Variants in HS3ST4 observed in about 807,000 individuals in gnomAD.
HS3ST4 encodes the protein heparan sulfate glucosamine 3-O-sulfotransferase 4.
Under a neutral mutation model 29.2 loss-of-function variants are expected in HS3ST4, and 17 were observed. The ratio of observed to expected loss-of-function variants is 0.58; its 90% CI spans 0.40 to 0.87. HS3ST4 has a LOEUF of 0.87. Among genes scored for constraint, HS3ST4 ranks in the 40% least tolerant of loss-of-function variants. The pLI, the probability that HS3ST4 is intolerant of heterozygous loss-of-function variation, is 0.00. For synonymous variants in HS3ST4, 314 were observed against 285.7 expected (o/e 1.10, Z -1.00); for missense variants, 627 against 634.5 (o/e 0.99, Z 0.13).
intron 1 of HS3ST4, among the ~76,000 whole-genome samples, chr16:25,860,323 T>C (rs1324522157): frequency 6.6e-6 from 1 of 152,162 alleles, no homozygotes; most frequent in African/African-American, 2.4e-5. Flanking sequence ...CTAAATATAC[T>C]CTTACCATAT....
At chr16:25,991,078 C>G (rs921242005) in intron 1 of HS3ST4, among the ~76,000 whole-genome samples, 4 of 148,568 alleles carry the variant, frequency 2.7e-5, no homozygotes, top group African/African-American at 1.0e-4. Context: ...CTCTCCAAGT[C>G]CTCTTATCAT....
chr16:25,871,626 T>G (rs1967753526), intron 1 of HS3ST4, among the ~76,000 whole-genome samples: 1 of 152,136 alleles, frequency 6.6e-6, no homozygotes, highest in Non-Finnish European at 1.5e-5. Context: ...TGTCACATTT[T>G]TCAAAAAAAG....
At position 25,715,168 on chromosome 16, in the gene HS3ST4, A is replaced by C. The variant is rs533964799; in HGVS notation, c.734+22017A>C. 1.1e-4 allele frequency among the ~76,000 whole-genome samples: 16 copies of C among 151,642 alleles called. No individual in the cohort carries two copies. In the South Asian group the frequency reaches 1.5e-3, roughly 14 times the overall value. On this transcript the variant is annotated intron_variant, in intron 1 of 1. Transcript: ENST00000331351. Reference sequence around the variant, plus strand: ...AAACCCCGTCTCTACTAAAAATACAAAAAATTAGCCGGGCGCGGTGGCGGG... The same window carrying C: ...AAACCCCGTCTCTACTAAAAATACACAAAATTAGCCGGGCGCGGTGGCGGG...
At chr16:25,808,068 G>C (rs1047143533) in intron 1 of HS3ST4, among the ~76,000 whole-genome samples, 4 of 151,926 alleles carry the variant, frequency 2.6e-5, no homozygotes, top group African/African-American at 9.7e-5. Flanking sequence ...TTTTCTTCTA[G>C]TCTGGAGCTT....
At chr16:25,693,424 C>T (rs549796641) in intron 1 of HS3ST4, among the ~76,000 whole-genome samples, 5 of 152,300 alleles carry the variant, frequency 3.3e-5, no homozygotes, top group Admixed American at 1.3e-4. Flanking sequence ...TCTGAATCTG[C>T]CCAGCTCCAA....
In HS3ST4 at chr16:26,125,737, A is replaced by T. The variant is rs1302213649; in HGVS notation, c.735-9875A>T. Among the ~76,000 whole-genome samples the T allele has an allele frequency of 4.6e-5, 7 of 152,084 alleles. 1 individual carries two copies. The South Asian group carries it at 1.5e-3, about 32-fold the overall frequency. ...TTCTTGTTCATCCACTCCCTCCTAA[A>T]ATCCTTCGCTCATCGCCTGGCTGGG... On this transcript the variant is annotated intron_variant, in intron 1 of 1. Coordinates refer to ENST00000331351, the MANE Select transcript of HS3ST4 (RefSeq NM_006040.3).
At chr16:26,103,182 TG>T (rs1208940108) in intron 1 of HS3ST4, among the ~76,000 whole-genome samples, 1 of 152,146 alleles carries the variant, frequency 6.6e-6, no homozygotes, top group Non-Finnish European at 1.5e-5. Flanking sequence ...CAACCAGAGT[TG>T]GATGTTTTAC....
At chr16:25,847,009 A>G (rs1967473248) in intron 1 of HS3ST4, among the ~76,000 whole-genome samples, 1 of 122,152 alleles carries the variant, frequency 8.2e-6, no homozygotes, top group Non-Finnish European at 1.7e-5. Context: ...TCCCATCAAC[A>G]CGAGTTTTTT....
At chr16:25,871,824 T>C (rs4628978) in intron 1 of HS3ST4, among the ~76,000 whole-genome samples, 105,066 of 151,528 alleles carry the variant, frequency 0.69, 36,702 homozygotes, top group African/African-American at 0.77. Context: ...TGGATCAGGC[T>C]AGACAATTGT....
rs1253647115 is a variant in HS3ST4 at position 25,978,999 on chromosome 16, G to A, written c.735-156613G>A. On this transcript the variant is annotated intron_variant, in intron 1 of 1. Coordinates refer to ENST00000331351, the MANE Select transcript of HS3ST4 (RefSeq NM_006040.3). ...TGCAACCTCCACCTCCCGGGTTCAA[G>A]CGATTCTCCTGCTTCAGCTTCCCAA... 4.3e-5 allele frequency among the ~76,000 whole-genome samples: 6 copies of A among 139,154 alleles called. No homozygotes were observed. The Admixed American group carries it at 4.8e-4, about 11-fold the overall frequency. 91.3% of individuals were successfully genotyped at this position (139,154 alleles called of 152,430 possible).
chr16:25,925,046 A>G (rs1475744631), intron 1 of HS3ST4, among the ~76,000 whole-genome samples: 2 of 152,066 alleles, frequency 1.3e-5, no homozygotes, highest in African/African-American at 4.8e-5. Flanking sequence ...TCAGCCTCAC[A>G]GAGGGCTAAA....
In HS3ST4 at chr16:25,828,244, C is replaced by CTT. The variant is rs1244879917; in HGVS notation, c.734+135095_734+135096dup. On this transcript the variant is annotated intron_variant, in intron 1 of 1. Transcript: ENST00000331351. ...TTCCTTTCTTTCTTTCTTTCTTTCT[C>CTT]TTTCTTTCTTTCTTTCTTTCTTTCT... 7.5e-4 allele frequency among the ~76,000 whole-genome samples: 27 copies of CTT among 35,968 alleles called. 1 individual carries two copies. The highest frequency in any genetic ancestry group is 0.014 in the Middle Eastern group (1 of 72). 23.6% of individuals were successfully genotyped at this position (35,968 alleles called of 152,430 possible). A position where few individuals can be genotyped will look rare whatever the true frequency, so the allele number is the denominator to read the frequency against.
intron 1 of HS3ST4, among the ~76,000 whole-genome samples, chr16:25,765,403 A>C (rs1456198544): frequency 1.3e-5 from 2 of 152,154 alleles, no homozygotes; most frequent in African/African-American, 4.8e-5. Context: ...TGAATCCCCG[A>C]ATGCTCCTGA....
intron 1 of HS3ST4, among the ~76,000 whole-genome samples, chr16:25,977,094 G>GT (rs1481804989): frequency 3.3e-5 from 5 of 152,130 alleles, no homozygotes; most frequent in Admixed American, 3.3e-4. Context: ...TAAGTTGACT[G>GT]TTATGTGGCA....
intron 1 of HS3ST4, among the ~76,000 whole-genome samples, chr16:26,119,488 G>T (rs1257710327): frequency 6.6e-6 from 1 of 152,180 alleles, no homozygotes; most frequent in East Asian, 1.9e-4. Flanking sequence ...TGATTCCCAG[G>T]TTTTAGACTG....
At position 26,067,384 on chromosome 16, in the gene HS3ST4, T is replaced by A. The variant is rs1435405355; in HGVS notation, c.735-68228T>A. Reference sequence around the variant, plus strand: ...TCCATTGCTCCCCTTCTCTGCTAGGTCATGTCCCAAGGGAGACATGACCAA... The same window carrying A: ...TCCATTGCTCCCCTTCTCTGCTAGGACATGTCCCAAGGGAGACATGACCAA... On this transcript the variant is annotated intron_variant, in intron 1 of 1. Transcript: ENST00000331351. 3.3e-5 allele frequency among the ~76,000 whole-genome samples: 5 copies of A among 151,958 alleles called. No homozygotes were observed. In the East Asian group the frequency reaches 9.7e-4, roughly 29 times the overall value.
chr16:25,866,261 G>A (rs1967693698), intron 1 of HS3ST4, among the ~76,000 whole-genome samples: 1 of 152,180 alleles, frequency 6.6e-6, no homozygotes, highest in East Asian at 1.9e-4. Flanking sequence ...ATGTGTTAGT[G>A]TGAGTTCACT....
chr16:25,749,433 C>T (rs550192228), intron 1 of HS3ST4, among the ~76,000 whole-genome samples: 15 of 151,956 alleles, frequency 9.9e-5, no homozygotes, highest in African/African-American at 3.1e-4. Flanking sequence ...AAGTTGAAGC[C>T]GCTATGAGCC....
intron 1 of HS3ST4, among the ~76,000 whole-genome samples, chr16:25,931,127 C>T (rs994422292): frequency 1.3e-5 from 2 of 152,212 alleles, no homozygotes; most frequent in South Asian, 4.2e-4. Flanking sequence ...ACCTCCACCC[C>T]GGGAAATGCG....
Sources: allele counts gnomAD v4.1 joint callset (sites outside exome capture counted in the v4.1 genomes callset), GRCh38; gene constraint gnomAD v4.1.1; transcripts MANE v1.5; gene names NCBI Gene and HGNC (gene_info 2026-07-23, HGNC 2026-07-21).